FKBP5: variants seen among roughly 807,000 people sequenced by gnomAD.
FKBP5 encodes the protein peptidyl-prolyl cis-trans isomerase FKBP5.
In FKBP5, 23 loss-of-function variants were observed where a neutral mutation model predicts 50.5. That is an observed-to-expected ratio of 0.46 (90% CI 0.33 to 0.65). FKBP5 has a LOEUF of 0.65. Ranked by LOEUF, FKBP5 falls within the 30% of genes least tolerant of loss-of-function variation. The pLI is 0.02. For missense variants in FKBP5, 411 were observed against 553.1 expected (o/e 0.74, Z 2.58); for synonymous variants, 176 against 190.6 (o/e 0.92, Z 0.63).
intron 6 of FKBP5, among the ~76,000 whole-genome samples, chr6:35,593,094 A>G (rs1171076103): frequency 6.6e-6 from 1 of 152,226 alleles, no homozygotes; most frequent in Admixed American, 6.5e-5. Flanking sequence ...GTGGAAGCCC[A>G]CGCCAAGATA....
intron 5 of FKBP5, among the ~76,000 whole-genome samples, chr6:35,615,854 G>C (rs965893346): frequency 6.6e-6 from 1 of 152,152 alleles, no homozygotes; most frequent in South Asian, 2.1e-4. Context: ...CCCAGTGTTC[G>C]AAGGTAACAT....
rs1473142230 is a variant in FKBP5, at chr6:35,574,843, T to G, written c.*992A>C. The G allele has an allele frequency of 2.0e-5, 3 of 152,602 alleles. No individual in the cohort carries two copies. The highest frequency in any genetic ancestry group is 4.4e-5 in the Non-Finnish European group (3 of 68,028). The allele number at this position is 152,602 out of a possible 1,614,324, so 9.5% of individuals were successfully genotyped here. A position where few individuals can be genotyped will look rare whatever the true frequency, so the allele number is the denominator to read the frequency against. On this transcript the variant is annotated 3_prime_UTR_variant, in exon 11 of 11. Coordinates refer to ENST00000357266, the MANE Select transcript of FKBP5 (RefSeq NM_004117.4). ...TCTTAAAAAGACAAAAAAAGCTGCA[T>G]GGATCCTAAATGACTATGTAAATAG...
At chr6:35,721,415 A>AT (rs1371909911) in intron 1 of FKBP5, among the ~76,000 whole-genome samples, 3 of 151,566 alleles carry the variant, frequency 2.0e-5, no homozygotes, top group African/African-American at 4.8e-5. Flanking sequence ...GCTGAACTTG[A>AT]TTTTTTTATT....
chr6:35,649,310 G>A (rs555810707), intron 1 of FKBP5, among the ~76,000 whole-genome samples: 24 of 150,956 alleles, frequency 1.6e-4, no homozygotes, highest in South Asian at 8.4e-4. Flanking sequence ...TATTCTTATC[G>A]GATTGCTCAT....
intron 3 of FKBP5, among the ~76,000 whole-genome samples, chr6:35,624,327 A>C (rs912109617): frequency 6.6e-6 from 1 of 152,070 alleles, no homozygotes; most frequent in Non-Finnish European, 1.5e-5. Flanking sequence ...CAAGTGAGAC[A>C]AAACAAAAAT....
At chr6:35,665,793 T>C (rs1420149358) in intron 1 of FKBP5, among the ~76,000 whole-genome samples, 1 of 152,188 alleles carries the variant, frequency 6.6e-6, no homozygotes, top group African/African-American at 2.4e-5. Context: ...GTTTCAACTT[T>C]ATGATGGTGA....
At chr6:35,605,083 C>T (rs769612791) in intron 5 of FKBP5, among the ~76,000 whole-genome samples, 5 of 151,968 alleles carry the variant, frequency 3.3e-5, no homozygotes, top group Non-Finnish European at 7.4e-5. Context: ...GTGCCCGGCC[C>T]GTGTTTTCTT....
chr6:35,724,003 C>T (rs758983708), intron 1 of FKBP5, among the ~76,000 whole-genome samples: 8 of 152,212 alleles, frequency 5.3e-5, no homozygotes, highest in South Asian at 4.1e-4. Context: ...AGCAGGAAAG[C>T]GAGTCTGATT....
At position 35,575,778 on chromosome 6, in the gene FKBP5, G is replaced by T; in HGVS notation, c.*57C>A. The T allele has an allele frequency of 9.1e-7, 1 of 1,099,374 alleles. No homozygotes were observed. Among genetic ancestry groups the T allele is most frequent in the South Asian group, 1.2e-5 (1 of 80,658 alleles). The allele number at this position is 1,099,374 out of a possible 1,614,324, so 68.1% of individuals were successfully genotyped here. A position where few individuals can be genotyped will look rare whatever the true frequency, so the allele number is the denominator to read the frequency against. ...AACACTGTTCTGTCCTGAGTTGGGG[G>T]AAAGCCCATTGAGGAGGGGCCGAGT... On this transcript the variant is annotated 3_prime_UTR_variant, in exon 11 of 11. Coordinates refer to ENST00000357266, the MANE Select transcript of FKBP5 (RefSeq NM_004117.4).
rs370918760 is a variant in FKBP5 at position 35,575,672 on chromosome 6, A to G, written c.*163T>C. The G allele has an allele frequency of 4.8e-6, 3 of 630,516 alleles. No individual in the cohort carries two copies. In the African/African-American group the frequency reaches 5.5e-5, roughly 11 times the overall value. The allele number at this position is 630,516 out of a possible 1,614,324, so 39.1% of individuals were successfully genotyped here. On this transcript the variant is annotated 3_prime_UTR_variant, in exon 11 of 11. Coordinates refer to ENST00000357266, the MANE Select transcript of FKBP5 (RefSeq NM_004117.4). ...CCCCTCAGTGAACCCTCCGGGCAGC[A>G]GCAGGGGGGCTGTTTTTGGGAAGCT...
intron 1 of FKBP5, among the ~76,000 whole-genome samples, chr6:35,725,833 C>G (rs1357975141): frequency 6.6e-6 from 1 of 152,138 alleles, no homozygotes; most frequent in Non-Finnish European, 1.5e-5. Flanking sequence ...GAGCTGTGAG[C>G]ACTAAAATGG....
At chr6:35,649,241 A>G (rs2150992904) in intron 1 of FKBP5, among the ~76,000 whole-genome samples, 1 of 132,224 alleles carries the variant, frequency 7.6e-6, no homozygotes. Context: ...ACAGAGCAAG[A>G]CTCTGTCTAA....
intron 1 of FKBP5, among the ~76,000 whole-genome samples, chr6:35,676,391 T>C (rs1464727739): frequency 1.3e-5 from 2 of 152,226 alleles, no homozygotes; most frequent in Non-Finnish European, 2.9e-5. Flanking sequence ...CATCTTAGAA[T>C]TTCAGAACTG....
At chr6:35,606,002 C>A (rs1472677375) in intron 5 of FKBP5, among the ~76,000 whole-genome samples, 1 of 152,134 alleles carries the variant, frequency 6.6e-6, no homozygotes, top group African/African-American at 2.4e-5. Flanking sequence ...CTGGACATTG[C>A]CTAGGCAAAT....
At chr6:35,709,178 A>G (rs1327765177) in intron 2 of FKBP5, among the ~76,000 whole-genome samples, 1 of 152,126 alleles carries the variant, frequency 6.6e-6, no homozygotes, top group Non-Finnish European at 1.5e-5. Flanking sequence ...AGCAAATCAC[A>G]TCTTACGTGG....
chr6:35,695,219 A>G lies in FKBP5; in HGVS notation c.-20+25109T>C, dbSNP rs919787559. 3.9e-5 allele frequency among the ~76,000 whole-genome samples: 6 copies of G among 152,186 alleles called. No individual in the cohort carries two copies. In the East Asian group the frequency reaches 7.7e-4, roughly 19 times the overall value. On this transcript the variant is annotated intron_variant, in intron 2 of 11. Transcript: ENST00000536438. ...CGCTCTGTCACCCAGGCTGGAGTGC[A>G]GTGGCTTGATCTCAGCTCACTGCAA...
intron 8 of FKBP5, chr6:35,584,197 C>T: frequency 1.0e-6 from 1 of 985,438 alleles, no homozygotes; most frequent in African/African-American, 1.7e-5. Flanking sequence ...GTTACCTGTA[C>T]TTAATAATTA....
At chr6:35,697,547 C>CA (rs369940228) in intron 2 of FKBP5, among the ~76,000 whole-genome samples, 12,190 of 124,112 alleles carry the variant, frequency 0.098, 1,229 homozygotes, top group African/African-American at 0.25. Flanking sequence ...AACTCTGTCT[C>CA]AAAAAAAAAA....
At chr6:35,685,968 GC>G (rs1765813240) in intron 1 of FKBP5, among the ~76,000 whole-genome samples, 1 of 102,484 alleles carries the variant, frequency 9.8e-6, no homozygotes, top group African/African-American at 4.0e-5. Context: ...GGCAACAAGA[GC>G]AAAACGCCAT....
Sources: allele counts gnomAD v4.1 joint callset (sites outside exome capture counted in the v4.1 genomes callset), GRCh38; gene constraint gnomAD v4.1.1; transcripts MANE v1.5; gene names NCBI Gene and HGNC (gene_info 2026-07-23, HGNC 2026-07-21).